Variants in DSG2 observed in about 807,000 individuals in gnomAD.
The protein encoded by DSG2 is desmoglein-2.
DSG2 carries 45 observed loss-of-function variants against 75.6 expected under a neutral mutation model. That is an observed-to-expected ratio of 0.60 (90% CI 0.47 to 0.76). DSG2 has a LOEUF of 0.76. DSG2 is among the 30% of genes least tolerant of loss of function. The pLI is 0.00. For synonymous variants in DSG2, 429 were observed against 483.9 expected (o/e 0.89, Z 1.49); for missense variants, 1,267 against 1,357.4 (o/e 0.93, Z 1.05).
At chr18:31,537,577 C>A (rs2073239158) in intron 11 of DSG2, among the ~76,000 whole-genome samples, 1 of 151,780 alleles carries the variant, frequency 6.6e-6, no homozygotes, top group African/African-American at 2.4e-5. Flanking sequence ...CGAGATTGTG[C>A]CACTGCACTC....
At chr18:31,518,426 G>A (rs2073106750) in intron 2 of DSG2, 152 bp downstream of exon 2, 7 of 690,282 alleles carry the variant, frequency 1.0e-5, no homozygotes, top group Non-Finnish European at 1.8e-5. Flanking sequence ...TTATCCAGGG[G>A]TATTCAGTGC....
rs549784168 is a variant in DSG2, at chr18:31,524,661, T to C, written c.829-42T>C. ...TAATTAAAAATATATCACTTATATT[T>C]GTATTTCATTGAAATAAAAATCATG... On this transcript the variant is annotated intron_variant, in intron 7 of 14. Coordinates refer to ENST00000261590, the MANE Select transcript of DSG2 (RefSeq NM_001943.5). The C allele has an allele frequency of 2.5e-6, 4 of 1,610,922 alleles. No homozygotes were observed. The South Asian group carries it at 4.4e-5, about 18-fold the overall frequency.
At position 31,536,185 on chromosome 18, in the gene DSG2, T is replaced by C. The variant is rs767415254; in HGVS notation, c.1424-17T>C. ...ATAGGAACAGAATGTACATACTTTTTCTCTCTTATTTTTAAGATTATCCTA... is the reference window on the plus strand; with the variant it reads ...ATAGGAACAGAATGTACATACTTTTCCTCTCTTATTTTTAAGATTATCCTA... On this transcript the variant is annotated splice_polypyrimidine_tract_variant and intron_variant, in intron 10 of 14. Coordinates refer to ENST00000261590, the MANE Select transcript of DSG2 (RefSeq NM_001943.5). 6.2e-7 allele frequency: 1 copy of C among 1,611,572 alleles called. No homozygotes were observed. Among genetic ancestry groups the C allele is most frequent in the South Asian group, 1.1e-5 (1 of 91,006 alleles).
At chr18:31,500,536 C>T (rs891236097) in intron 1 of DSG2, among the ~76,000 whole-genome samples, 1 of 152,130 alleles carries the variant, frequency 6.6e-6, no homozygotes, top group South Asian at 2.1e-4. Context: ...CAGCTCCATA[C>T]GTCCATATCT....
At chr18:31,512,120 A>C (rs2073070571) in intron 1 of DSG2, among the ~76,000 whole-genome samples, 1 of 152,096 alleles carries the variant, frequency 6.6e-6, no homozygotes, top group African/African-American at 2.4e-5. Flanking sequence ...TCCTATATCC[A>C]AAAGGCCATT....
rs1163107031 is a variant in DSG2, at chr18:31,498,263, C to T, written c.12C>T (p.Ser4=). The T allele has an allele frequency of 3.2e-6, 4 of 1,262,230 alleles. No individual in the cohort carries two copies. Among genetic ancestry groups the T allele is most frequent in the Non-Finnish European group, 3.0e-6 (3 of 999,906 alleles). 78.2% of individuals were successfully genotyped at this position (1,262,230 alleles called of 1,614,324 possible). Residue 4 remains serine, a synonymous_variant, in exon 1 of 15, where the codon AGC becomes AGT. Transcript: ENST00000261590. ...GAGGCGAGGGTGCGATGGCGCGGAG[C>T]CCGGGACGCGCGTACGCCCTGCTGC... The part of the protein sequence containing the change: MAR[S]PGRAYALLLL...
At chr18:31,513,453 A>G (rs1013917949) in intron 1 of DSG2, among the ~76,000 whole-genome samples, 1 of 152,184 alleles carries the variant, frequency 6.6e-6, no homozygotes, top group African/African-American at 2.4e-5. Flanking sequence ...TTTATGCCTA[A>G]ACCAGCCAAT....
At position 31,538,683 on chromosome 18, in the gene DSG2, G is replaced by A. The variant is rs905261729; in HGVS notation, c.1652-68G>A. The A allele has an allele frequency of 1.2e-5, 15 of 1,240,904 alleles. No homozygotes were observed. In the Admixed American group the frequency reaches 1.2e-4, roughly 10 times the overall value. 76.9% of individuals were successfully genotyped at this position (1,240,904 alleles called of 1,614,324 possible). The stretch of plus-strand genomic sequence containing the variant: ...CAATCAGCAATGAAAGAACATTTGT[G>A]GAATTTAATGTTGCCTCATCCTTGG... On this transcript the variant is annotated intron_variant, in intron 11 of 14. Transcript: ENST00000261590.
intron 14 of DSG2, 30 bp downstream of exon 14, chr18:31,542,882 G>A (rs761738684): frequency 3.7e-6 from 4 of 1,089,810 alleles, no homozygotes; most frequent in Non-Finnish European, 3.8e-6. Context: ...ATTGGTGGTG[G>A]GGGGTGGGGG....
At chr18:31,545,097 C>T (rs114605706) in intron 14 of DSG2, among the ~76,000 whole-genome samples, 202 of 152,250 alleles carry the variant, frequency 1.3e-3, no homozygotes, top group African/African-American at 4.4e-3. Context: ...TCAATTCTAG[C>T]GTCCTGTTTG....
intron 1 of DSG2, among the ~76,000 whole-genome samples, chr18:31,500,419 A>G (rs376128896): frequency 2.0e-5 from 3 of 152,278 alleles, no homozygotes; most frequent in South Asian, 4.1e-4. Context: ...CATGCATGCC[A>G]CATCTGCTAG....
chr18:31,544,424 T>C (rs2073290893), intron 14 of DSG2, among the ~76,000 whole-genome samples: 2 of 152,146 alleles, frequency 1.3e-5, no homozygotes, highest in Non-Finnish European at 2.9e-5. Context: ...GGGGTACTAC[T>C]AAAGTGATGC....
intron 2 of DSG2, 133 bp from the exon 3 acceptor site, chr18:31,519,670 T>A: frequency 1.1e-6 from 1 of 909,732 alleles, no homozygotes; most frequent in Non-Finnish European, 1.7e-6. Context: ...TTTTAGACAA[T>A]GAAGCCTCAT....
At chr18:31,509,866 T>A (rs2073057752) in intron 1 of DSG2, among the ~76,000 whole-genome samples, 1 of 152,214 alleles carries the variant, frequency 6.6e-6, no homozygotes, top group Non-Finnish European at 1.5e-5. Context: ...AAAGTCAGGA[T>A]GTGTGACCAG....
chr18:31,542,176 A>G (rs2073272197), intron 13 of DSG2: 1 of 342,716 alleles, frequency 2.9e-6, no homozygotes, highest in South Asian at 2.8e-5. Context: ...TTGGGTGGCC[A>G]TGGATCCAGG....
rs1568104857 is a variant in DSG2, at chr18:31,519,898, G to A, written c.177G>A (p.Arg59=). ...RAWITAPVAL[R]EGEDLSKKNP... ...GGATCACCGCCCCCGTGGCTCTTCGGGAGGGAGAGGATCTGTCCAAGAAGA... is the reference window on the plus strand; with the variant it reads ...GGATCACCGCCCCCGTGGCTCTTCGAGAGGGAGAGGATCTGTCCAAGAAGA... The change falls in exon 3 of 15, where the codon CGG becomes CGA. Residue 59 remains arginine (R), a synonymous_variant. Coordinates refer to ENST00000261590, the MANE Select transcript of DSG2 (RefSeq NM_001943.5). 1 of 1,614,138 alleles carries A rather than the reference G, an allele frequency of 6.2e-7. No homozygotes were observed. Among genetic ancestry groups the A allele is most frequent in the Non-Finnish European group, 8.5e-7 (1 of 1,180,024 alleles).
chr18:31,498,302 T>C lies in DSG2; in HGVS notation c.45+6T>C, dbSNP rs2072994676. On this transcript the variant is annotated splice_donor_region_variant and intron_variant, in intron 1 of 14. Transcript: ENST00000261590. ...ACGCCCTGCTGCTTCTCCTGGTAAG[T>C]GCCGCAAGCGGGACAGGGGAGCCAC... 4 of 1,263,174 alleles carry C rather than the reference T, an allele frequency of 3.2e-6. No homozygotes were observed. Among genetic ancestry groups the C allele is most frequent in the Non-Finnish European group, 4.0e-6 (4 of 998,228 alleles). The allele number at this position is 1,263,174 out of a possible 1,614,324, so 78.2% of individuals were successfully genotyped here. A position where few individuals can be genotyped will look rare whatever the true frequency, so the allele number is the denominator to read the frequency against.
chr18:31,498,217 G>T lies in DSG2; in HGVS notation c.-35G>T. ...CGCTCGGGGCAGGCGGCGGCGCGGAGCGGTGCGGCGGCGGGAGGCGGAGGC... is the reference window on the plus strand; with the variant it reads ...CGCTCGGGGCAGGCGGCGGCGCGGATCGGTGCGGCGGCGGGAGGCGGAGGC... On this transcript the variant is annotated 5_prime_UTR_variant, in exon 1 of 15. Coordinates refer to ENST00000261590, the MANE Select transcript of DSG2 (RefSeq NM_001943.5). The T allele has an allele frequency of 8.0e-7, 1 of 1,243,424 alleles. No homozygotes were observed. Among genetic ancestry groups the T allele is most frequent in the Non-Finnish European group, 1.0e-6 (1 of 990,818 alleles). The allele number at this position is 1,243,424 out of a possible 1,614,324, so 77.0% of individuals were successfully genotyped here. A position where few individuals can be genotyped will look rare whatever the true frequency, so the allele number is the denominator to read the frequency against.
intron 1 of DSG2, among the ~76,000 whole-genome samples, chr18:31,511,444 T>C (rs992116765): frequency 1.3e-5 from 2 of 152,210 alleles, no homozygotes; most frequent in African/African-American, 2.4e-5. Flanking sequence ...AAATTAAGAA[T>C]GTGTTCTGTG....
Sources: allele counts gnomAD v4.1 joint callset (sites outside exome capture counted in the v4.1 genomes callset), GRCh38; gene constraint gnomAD v4.1.1; transcripts MANE v1.5; gene names NCBI Gene and HGNC (gene_info 2026-07-23, HGNC 2026-07-21).